ADGRV1: variants seen among roughly 807,000 people sequenced by gnomAD.
The protein encoded by ADGRV1 is G-protein coupled receptor 98.
In ADGRV1, 359 loss-of-function variants were observed where a neutral mutation model predicts 596.2. The ratio of observed to expected loss-of-function variants is 0.60; its 90% CI spans 0.55 to 0.66. The LOEUF is 0.66. ADGRV1 is among the 30% of genes least tolerant of loss of function. The probability of loss-of-function intolerance (pLI) is 0.00; values close to 1 mark genes in which losing one functional copy is unlikely to be tolerated. For synonymous variants in ADGRV1, 2,681 were observed against 2,679.2 expected, an observed-to-expected ratio of 1.00 and a Z score of -0.02; for missense variants, 7,274 against 7,575.6, an observed-to-expected ratio of 0.96 and a Z score of 1.48.
At chr5:90,766,003 G>A (rs1008936503) in intron 59 of ADGRV1, among the ~76,000 whole-genome samples, 9 of 151,900 alleles carry the variant, frequency 5.9e-5, no homozygotes, top group South Asian at 2.1e-4. Flanking sequence ...TCCACCTCCC[G>A]GGTTTACGCC....
chr5:91,039,246 A>G (rs1785146837), intron 85 of ADGRV1, among the ~76,000 whole-genome samples: 2 of 152,200 alleles, frequency 1.3e-5, no homozygotes, highest in African/African-American at 4.8e-5. Context: ...AGGCAGCCAT[A>G]GATACCCAAG....
rs1181387056 is a variant in ADGRV1, at chr5:90,564,117, G to T, written c.22+5200G>T. Among the ~76,000 whole-genome samples the T allele has an allele frequency of 2.0e-5, 3 of 152,214 alleles. No homozygotes were observed. In the East Asian group the frequency reaches 5.8e-4, roughly 29 times the overall value. On this transcript the variant is annotated intron_variant, in intron 1 of 89. Transcript: ENST00000405460. ...AGGCATAATAGAAAGAAGTGTTTTA[G>T]ATATGTCTTACAAGTGATCAGTATA...
At chr5:90,921,795 T>C (rs142673879) in intron 83 of ADGRV1, among the ~76,000 whole-genome samples, 67 of 149,306 alleles carry the variant, frequency 4.5e-4, no homozygotes, top group African/African-American at 1.7e-3. Flanking sequence ...AGTTGTGTCT[T>C]GTTTTTTTTT....
At chr5:90,792,374 T>G (rs893486120) in intron 70 of ADGRV1, 1 of 152,206 alleles carries the variant, frequency 6.6e-6, no homozygotes, top group African/African-American at 2.4e-5. Context: ...AACAAGCCTA[T>G]TACACTAATC....
intron 1 of ADGRV1, among the ~76,000 whole-genome samples, chr5:90,599,853 T>C (rs184980627): frequency 2.0e-5 from 3 of 152,292 alleles, no homozygotes; most frequent in African/African-American, 4.8e-5. Flanking sequence ...AAGTTTCAAA[T>C]TGATGGAGGA....
rs1745306946 is a variant in ADGRV1 at position 90,684,160 on chromosome 5, A to G, written c.6239A>G (p.Asn2080Ser). 1 of 1,613,168 alleles carries G rather than the reference A, an allele frequency of 6.2e-7. No individual in the cohort carries two copies. Among genetic ancestry groups the G allele is most frequent in the South Asian group, 1.1e-5 (1 of 91,036 alleles). The stretch of plus-strand genomic sequence containing the variant: ...GAATCTGTCTTTATCGAACTACTCA[A>G]CTCTACTTTAGTAGCGAAAGTACAG... ...RSESVFIELL[N>S]STLVAKVQSR... Residue 2080 changes from asparagine (N) to serine (S), a missense_variant, in exon 28 of 90, where the codon AAC becomes AGC. Physicochemically the swap from Asn to Ser is conservative, Grantham distance 46. Coordinates refer to ENST00000405460, the MANE Select transcript of ADGRV1 (RefSeq NM_032119.4).
In ADGRV1 at chr5:90,654,145, C is replaced by G. The variant is rs1580610825; in HGVS notation, c.4378+193C>G. Reference sequence around the variant, plus strand: ...TGTCCTGAGTGTTACAGAAATGAATCAGAGAATTTTGCCCTTAAAGAACCT... The same window carrying G: ...TGTCCTGAGTGTTACAGAAATGAATGAGAGAATTTTGCCCTTAAAGAACCT... On this transcript the variant is annotated intron_variant, in intron 20 of 89. Transcript: ENST00000405460. 8 of 648,632 alleles carry G rather than the reference C, an allele frequency of 1.2e-5. No individual in the cohort carries two copies. In the East Asian group the frequency reaches 2.3e-4, roughly 19 times the overall value. The allele number at this position is 648,632 out of a possible 1,614,324, so 40.2% of individuals were successfully genotyped here.
In ADGRV1 at chr5:90,629,518, T is replaced by C. The variant is rs1210431628; in HGVS notation, c.1818T>C (p.Asn606=). 2 of 1,611,346 alleles carry C rather than the reference T, an allele frequency of 1.2e-6. No homozygotes were observed. Among genetic ancestry groups the C allele is most frequent in the East Asian group, 2.2e-5 (1 of 44,846 alleles). ...LPIRNDAFLQ[N]GAHFLVQLET... is the part of the protein sequence containing the mutation. ...TAAGAAATGATGCATTCCTTCAAAA[T>C]GGAGCTCACTTTCTAGTACAGGTAC... The change falls in exon 9 of 90, where the codon AAT becomes AAC. Residue 606 remains asparagine, a synonymous_variant. Transcript: ENST00000405460.
chr5:90,740,343 C>G (rs1311597864), intron 50 of ADGRV1, among the ~76,000 whole-genome samples: 1 of 152,144 alleles, frequency 6.6e-6, no homozygotes, highest in Non-Finnish European at 1.5e-5. Flanking sequence ...TGTACCCCTG[C>G]CTTCTGGCCT....
At chr5:90,811,479 T>A in intron 74 of ADGRV1, 141 bp downstream of exon 74, 1 of 765,774 alleles carries the variant, frequency 1.3e-6, no homozygotes, top group Non-Finnish European at 2.0e-6. Context: ...TGTTTTTCTG[T>A]AGCATGGACC....
chr5:91,068,057 A>G (rs1365295051), intron 85 of ADGRV1, among the ~76,000 whole-genome samples: 5 of 152,224 alleles, frequency 3.3e-5, no homozygotes, highest in South Asian at 2.1e-4. Flanking sequence ...CAAGAAATTT[A>G]TCATTTTTAT....
intron 83 of ADGRV1, among the ~76,000 whole-genome samples, chr5:90,905,382 C>G (rs1161672802): frequency 2.0e-5 from 3 of 152,014 alleles, no homozygotes; most frequent in Non-Finnish European, 4.4e-5. Flanking sequence ...GAATATCTCT[C>G]ATTTTTGGTA....
At chr5:90,572,833 T>A (rs570114846) in intron 1 of ADGRV1, among the ~76,000 whole-genome samples, 2 of 152,006 alleles carry the variant, frequency 1.3e-5, no homozygotes, top group South Asian at 4.2e-4. Context: ...TTGGGGGAAA[T>A]TGGAATTAGA....
Position 90,864,215 on chromosome 5 carries a change from A to G in ADGRV1, c.17856+358A>G, listed in dbSNP as rs554025671. ...GCTGTGTTATAAATTCTTTATGTTT[A>G]GGGCATTAAGATGATATAAACTTTT... On this transcript the variant is annotated intron_variant, in intron 83 of 89. Coordinates refer to ENST00000405460, the MANE Select transcript of ADGRV1 (RefSeq NM_032119.4). 1.1e-3 allele frequency among the ~76,000 whole-genome samples: 173 copies of G among 152,282 alleles called. 2 individuals are homozygous for G. The highest frequency in any genetic ancestry group is 4.0e-3 in the African/African-American group (167 of 41,576).
At chr5:90,646,150 GTATATATGCACGTGCA>G in intron 16 of ADGRV1, 59 bp downstream of exon 16, 1 of 1,235,446 alleles carries the variant, frequency 8.1e-7, no homozygotes, top group Non-Finnish European at 1.1e-6. Flanking sequence ...ATATATAAAT[GTATATATGCACGTGCA>G]TATATACATT....
intron 85 of ADGRV1, among the ~76,000 whole-genome samples, chr5:91,060,391 TA>T (rs1562160311): frequency 5.3e-5 from 1 of 18,800 alleles, no homozygotes; most frequent in African/African-American, 1.6e-4. Flanking sequence ...TATATATATA[TA>T]TATATATTTT....
intron 83 of ADGRV1, among the ~76,000 whole-genome samples, chr5:90,937,245 A>T (rs1423759683): frequency 1.3e-5 from 2 of 152,056 alleles, no homozygotes; most frequent in Non-Finnish European, 2.9e-5. Flanking sequence ...CTTTTCATAT[A>T]CTTTTACTAT....
At chr5:90,958,406 G>T (rs1457587142) in intron 83 of ADGRV1, among the ~76,000 whole-genome samples, 7 of 151,762 alleles carry the variant, frequency 4.6e-5, no homozygotes, top group Non-Finnish European at 1.5e-5. Flanking sequence ...TAAACTCCCA[G>T]CAAACAGCAA....
intron 85 of ADGRV1, among the ~76,000 whole-genome samples, chr5:91,066,864 T>C (rs1048870085): frequency 4.6e-5 from 7 of 152,168 alleles, no homozygotes; most frequent in African/African-American, 1.7e-4. Context: ...ATGCTGTAGA[T>C]AGAGAAGAAG....
Sources: gnomAD v4.1 joint callset for allele counts (sites outside exome capture counted in the v4.1 genomes callset) on GRCh38, gnomAD v4.1.1 for gene constraint, MANE v1.5 for transcripts, NCBI Gene and HGNC (gene_info 2026-07-23, HGNC 2026-07-21) for gene names.